The following ZNF486 variants were observed in gnomAD, a reference collection of about 807,000 sequenced individuals.
ZNF486 encodes the protein zinc finger protein 486.
ZNF486 carries 12 observed loss-of-function variants against 12.8 expected under a neutral mutation model. That is an observed-to-expected ratio of 0.94 (90% CI 0.60 to 1.52). The LOEUF is 1.52. ZNF486 is among the 40% of genes most tolerant of loss of function. The pLI is 0.00. For synonymous variants in ZNF486, 231 were observed against 184.9 expected (o/e 1.25, Z -2.02); for missense variants, 738 against 545.0 (o/e 1.35, Z -3.53).
At chr19:20,189,642 T>C (rs1555716933) in intron 3 of ZNF486, among the ~76,000 whole-genome samples, 2 of 152,226 alleles carry the variant, frequency 1.3e-5, no homozygotes, top group East Asian at 3.8e-4. Context: ...AGTTTTTTGA[T>C]GAAAAATCTT....
intron 1 of ZNF486, among the ~76,000 whole-genome samples, chr19:20,182,495 G>A (rs2089797658): frequency 6.6e-6 from 1 of 150,936 alleles, no homozygotes; most frequent in South Asian, 2.1e-4. Flanking sequence ...ACTCTAAGGT[G>A]AGGCCAGAAT....
intron 1 of ZNF486, among the ~76,000 whole-genome samples, chr19:20,175,609 G>C (rs2089699108): frequency 6.6e-6 from 1 of 151,872 alleles, no homozygotes; most frequent in South Asian, 2.1e-4. Context: ...TTAACACTGA[G>C]TGGACACAGC....
intron 3 of ZNF486, 68 bp downstream of exon 3, chr19:20,186,150 C>T (rs2089843635): frequency 8.1e-7 from 1 of 1,236,328 alleles, no homozygotes; most frequent in Non-Finnish European, 1.1e-6. Flanking sequence ...AAAAGAAAGC[C>T]AGTCCTTAAA....
At position 20,174,839 on chromosome 19, in the gene ZNF486, G is replaced by C. The variant is rs181269930; in HGVS notation, c.30+7479G>C. Among the ~76,000 whole-genome samples the C allele has an allele frequency of 1.6e-3, 236 of 152,252 alleles. 1 individual carries two copies. The highest frequency in any genetic ancestry group is 5.5e-3 in the African/African-American group (230 of 41,542). ...AAAAATGCTACATATATTATGACTAGTGAGTAAACACAATTTTAGTGTCTT... is the reference window on the plus strand; with the variant it reads ...AAAAATGCTACATATATTATGACTACTGAGTAAACACAATTTTAGTGTCTT... On this transcript the variant is annotated intron_variant, in intron 1 of 3. Transcript: ENST00000335117.
At chr19:20,167,562 C>A (rs1160386590) in intron 1 of ZNF486, among the ~76,000 whole-genome samples, 2 of 152,162 alleles carry the variant, frequency 1.3e-5, no homozygotes, top group African/African-American at 4.8e-5. Flanking sequence ...CTCTTCCCTG[C>A]GCAGTGACCG....
rs2089968311 is a variant in ZNF486 at position 20,197,273 on chromosome 19, A to AACCCTACAAATGTGAAGAATGTGG, written c.563_564insACCCTACAAATGTGAAGAATGTGG (p.Asp188delinsGluProTyrLysCysGluGluCysGly). On this transcript the variant is annotated protein_altering_variant, in exon 4 of 4. Transcript: ENST00000335117. ...AAACCTTTGAAATATATAGAAGGTG[A>AACCCTACAAATGTGAAGAATGTGG]CAAAGCTTTTAACCAGTCCTCAACC... 1 of 1,610,266 alleles carries AACCCTACAAATGTGAAGAATGTGG rather than the reference A, an allele frequency of 6.2e-7. No individual in the cohort carries two copies. Among genetic ancestry groups the AACCCTACAAATGTGAAGAATGTGG allele is most frequent in the Admixed American group, 1.7e-5 (1 of 59,136 alleles).
chr19:20,198,222 C>G lies in ZNF486; in HGVS notation c.*120C>G, dbSNP rs1374818746. On this transcript the variant is annotated 3_prime_UTR_variant, in exon 4 of 4. Coordinates refer to ENST00000335117, the MANE Select transcript of ZNF486 (RefSeq NM_052852.4). ...ACCTCCACCTTCTGGGTTCAAGTAA[C>G]TCTCCTTAGTAGCTAGGATTACAGG... is the stretch of plus-strand genomic sequence containing the variant. 1 of 809,078 alleles carries G rather than the reference C, an allele frequency of 1.2e-6. No individual in the cohort carries two copies. The highest frequency in any genetic ancestry group is 1.7e-5 in the African/African-American group (1 of 57,352). 50.1% of individuals were successfully genotyped at this position (809,078 alleles called of 1,614,324 possible).
rs1223623217 is a variant in ZNF486 at position 20,169,887 on chromosome 19, TG to T, written c.30+2528del. On this transcript the variant is annotated intron_variant, in intron 1 of 3. Transcript: ENST00000335117. ...AGAAGGGACATAAGATGGGGTTGTATGTTTTTTTTTTTTTTTTTTTTTTGAG... is the reference window on the plus strand; with the variant it reads ...AGAAGGGACATAAGATGGGGTTGTATTTTTTTTTTTTTTTTTTTTTTTGAG... Among the ~76,000 whole-genome samples, 80 of 139,742 alleles carry T rather than the reference TG, an allele frequency of 5.7e-4. No homozygotes were observed. In the East Asian group the frequency reaches 6.7e-3, roughly 12 times the overall value. The allele number at this position is 139,742 out of a possible 152,430, so 91.7% of individuals were successfully genotyped here. A position where few individuals can be genotyped will look rare whatever the true frequency, so the allele number is the denominator to read the frequency against.
At chr19:20,182,890 A>G (rs1029043088) in intron 1 of ZNF486, among the ~76,000 whole-genome samples, 13 of 152,222 alleles carry the variant, frequency 8.5e-5, no homozygotes, top group African/African-American at 3.1e-4. Context: ...AAGGAATTCC[A>G]GAGGAGGAGG....
In ZNF486 at chr19:20,184,285, C is replaced by T. The variant is rs1384908173; in HGVS notation, c.31-71C>T. The T allele has an allele frequency of 2.5e-6, 4 of 1,599,946 alleles. No individual in the cohort carries two copies. The African/African-American group carries it at 5.4e-5, about 22-fold the overall frequency. On this transcript the variant is annotated intron_variant, in intron 1 of 3. Coordinates refer to ENST00000335117, the MANE Select transcript of ZNF486 (RefSeq NM_052852.4). ...GTAAGAATCAGTTCTCTTACTCTCT[C>T]ATTTCACCTTAAATTAAAAATTCCA...
Position 20,177,687 on chromosome 19 carries a change from G to A in ZNF486, c.31-6669G>A, listed in dbSNP as rs141085485. Among the ~76,000 whole-genome samples the A allele has an allele frequency of 4.4e-3, 672 of 152,206 alleles. 7 individuals are homozygous for A. Among genetic ancestry groups the A allele is most frequent in the African/African-American group, 0.016 (650 of 41,518 alleles). On this transcript the variant is annotated intron_variant, in intron 1 of 3. Coordinates refer to ENST00000335117, the MANE Select transcript of ZNF486 (RefSeq NM_052852.4). Reference sequence around the variant, plus strand: ...CCTCCCAGGTTCAAGTGATTCTCCTGCCTTAGCCTCCCTAGTAGCTGGGAT... The same window carrying A: ...CCTCCCAGGTTCAAGTGATTCTCCTACCTTAGCCTCCCTAGTAGCTGGGAT...
chr19:20,186,835 G>A (rs1246104026), intron 3 of ZNF486, among the ~76,000 whole-genome samples: 3 of 138,918 alleles, frequency 2.2e-5, no homozygotes, highest in Non-Finnish European at 4.5e-5. Flanking sequence ...CCAGGCTGGA[G>A]TGCAGTGGTG....
In ZNF486 at chr19:20,197,891, A is replaced by G. The variant is rs782807429; in HGVS notation, c.1181A>G (p.His394Arg). 14 of 1,612,252 alleles carry G rather than the reference A, an allele frequency of 8.7e-6. No individual in the cohort carries two copies. The African/African-American group carries it at 1.5e-4, about 17-fold the overall frequency. ...GKAFTWSAGLHKHRRTHTGEK... is the reference protein window; with the variant it reads ...GKAFTWSAGLRKHRRTHTGEK... ...GCCTTTACATGGTCTGCAGGCCTCCATAAACATAGGAGAACTCATACTGGA... is the reference window on the plus strand; with the variant it reads ...GCCTTTACATGGTCTGCAGGCCTCCGTAAACATAGGAGAACTCATACTGGA... Residue 394 changes from histidine (H) to arginine (R), a missense_variant, in exon 4 of 4, where the codon CAT becomes CGT. Physicochemically the swap from His to Arg is conservative, Grantham distance 29. Coordinates refer to ENST00000335117, the MANE Select transcript of ZNF486 (RefSeq NM_052852.4).
intron 1 of ZNF486, among the ~76,000 whole-genome samples, chr19:20,179,993 G>T (rs1388419288): frequency 1.3e-5 from 2 of 152,196 alleles, no homozygotes; most frequent in Non-Finnish European, 1.5e-5. Context: ...CAGGACAGAT[G>T]ATGTAGGTTC....
intron 1 of ZNF486, among the ~76,000 whole-genome samples, chr19:20,175,939 G>T (rs1184190554): frequency 1.3e-5 from 2 of 150,192 alleles, no homozygotes; most frequent in African/African-American, 4.9e-5. Flanking sequence ...CTCCCGGATG[G>T]GGCGGCTGGC....
Position 20,197,508 on chromosome 19 carries a change from C to T in ZNF486, c.798C>T (p.Tyr266=), listed in dbSNP as rs1054601792. ...HKKIHSGEKP[Y]ICEECGKAFM... ...AAATTCATAGTGGAGAGAAACCCTA[C>T]ATTTGTGAAGAATGTGGCAAAGCCT... The change falls in exon 4 of 4, where the codon TAC becomes TAT. Residue 266 remains tyrosine, a synonymous_variant. Coordinates refer to ENST00000335117, the MANE Select transcript of ZNF486 (RefSeq NM_052852.4). 9 of 1,609,364 alleles carry T rather than the reference C, an allele frequency of 5.6e-6. No homozygotes were observed. The highest frequency in any genetic ancestry group is 1.3e-5 in the African/African-American group (1 of 74,442).
chr19:20,172,162 T>C (rs1555713980), intron 1 of ZNF486, among the ~76,000 whole-genome samples: 1 of 149,582 alleles, frequency 6.7e-6, no homozygotes, highest in Non-Finnish European at 1.5e-5. Context: ...CACCACCATG[T>C]CTAGCTAATT....
intron 1 of ZNF486, among the ~76,000 whole-genome samples, chr19:20,173,897 T>C (rs11881188): frequency 0.071 from 10,870 of 152,092 alleles, 585 homozygotes; most frequent in African/African-American, 0.16. Context: ...TTAGATTATA[T>C]ATAGTTATTT....
chr19:20,177,057 C>G (rs2089726889), intron 1 of ZNF486: 1 of 152,258 alleles, frequency 6.6e-6, no homozygotes, highest in Non-Finnish European at 1.5e-5. Flanking sequence ...AGGCTCTCCT[C>G]CTGCAGCTCA....
Sources: allele counts gnomAD v4.1 joint callset (sites outside exome capture counted in the v4.1 genomes callset), GRCh38; gene constraint gnomAD v4.1.1; transcripts MANE v1.5; gene names NCBI Gene and HGNC (gene_info 2026-07-23, HGNC 2026-07-21).